Variants in KCNB2 observed in about 807,000 individuals in gnomAD.
The protein encoded by KCNB2 is delayed rectifier potassium channel protein.
In KCNB2, 15 loss-of-function variants were observed where a neutral mutation model predicts 61.5. The observed-to-expected ratio is 0.24, with a 90% confidence interval of 0.16 to 0.38. The LOEUF (loss-of-function observed/expected upper bound fraction) is 0.38, where lower values mean the gene tolerates loss of function less well. Among genes scored for constraint, KCNB2 ranks in the 10% least tolerant of loss-of-function variants. KCNB2 has a pLI of 1.00. For missense variants in KCNB2, 828 were observed against 1,125.2 expected (o/e 0.74, Z 3.78); for synonymous variants, 457 against 446.0 (o/e 1.02, Z -0.31).
At chr8:72,549,891 AG>A (rs1806318245) in intron 1 of KCNB2, among the ~76,000 whole-genome samples, 1 of 152,234 alleles carries the variant, frequency 6.6e-6, no homozygotes, top group African/African-American at 2.4e-5. Context: ...AGCATAGACA[AG>A]AAACTAATTC....
chr8:72,658,939 C>G (rs927556035), intron 2 of KCNB2, among the ~76,000 whole-genome samples: 2 of 152,128 alleles, frequency 1.3e-5, no homozygotes, highest in African/African-American at 4.8e-5. Context: ...TGCACTTGGT[C>G]TCTGATGGAG....
At chr8:72,882,365 CTG>C (rs1805725735) in intron 2 of KCNB2, among the ~76,000 whole-genome samples, 1 of 152,174 alleles carries the variant, frequency 6.6e-6, no homozygotes, top group Non-Finnish European at 1.5e-5. Flanking sequence ...TGGGAGGAGA[CTG>C]TGAAGAAAAG....
intron 2 of KCNB2, among the ~76,000 whole-genome samples, chr8:72,719,262 A>G (rs998422466): frequency 1.3e-5 from 2 of 152,166 alleles, no homozygotes; most frequent in African/African-American, 4.8e-5. Flanking sequence ...CTATAAGGAA[A>G]AACTCAGCTC....
At chr8:72,804,694 G>T (rs182067777) in intron 2 of KCNB2, among the ~76,000 whole-genome samples, 1 of 152,244 alleles carries the variant, frequency 6.6e-6, no homozygotes, top group East Asian at 1.9e-4. Context: ...AAAATGAAAA[G>T]AATGGCAATT....
intron 2 of KCNB2, among the ~76,000 whole-genome samples, chr8:72,854,584 G>A (rs1810174970): frequency 6.6e-6 from 1 of 152,180 alleles, no homozygotes; most frequent in South Asian, 2.1e-4. Context: ...TTCAGGTGCA[G>A]TGTAGATAAT....
chr8:72,847,339 C>T (rs946962088), intron 2 of KCNB2, among the ~76,000 whole-genome samples: 2 of 152,190 alleles, frequency 1.3e-5, no homozygotes, highest in African/African-American at 4.8e-5. Context: ...CAACATCGCC[C>T]CCTTGTGGTC....
chr8:72,746,683 C>G (rs944570742), intron 2 of KCNB2, among the ~76,000 whole-genome samples: 1 of 152,112 alleles, frequency 6.6e-6, no homozygotes, highest in Non-Finnish European at 1.5e-5. Flanking sequence ...AATGATTGCA[C>G]TGCTCTTTGA....
intron 2 of KCNB2, among the ~76,000 whole-genome samples, chr8:72,883,317 G>A (rs1241814428): frequency 2.0e-5 from 3 of 152,162 alleles, no homozygotes; most frequent in East Asian, 1.9e-4. Context: ...TTATCCCGGC[G>A]TAACTACAGT....
intron 2 of KCNB2, among the ~76,000 whole-genome samples, chr8:72,594,354 G>T (rs1409617869): frequency 2.0e-5 from 3 of 151,914 alleles, no homozygotes; most frequent in Admixed American, 6.6e-5. Flanking sequence ...CCCTTCTCTG[G>T]TCCAGTTATG....
intron 2 of KCNB2, among the ~76,000 whole-genome samples, chr8:72,915,347 A>T (rs1391208712): frequency 6.6e-6 from 1 of 152,164 alleles, no homozygotes; most frequent in Non-Finnish European, 1.5e-5. Flanking sequence ...AACAGAAAAC[A>T]AGCAAGACTG....
In KCNB2 at chr8:72,590,115, C is replaced by T. The variant is rs572232329; in HGVS notation, c.579+21802C>T. Among the ~76,000 whole-genome samples the T allele has an allele frequency of 1.5e-3, 226 of 152,250 alleles. 2 individuals are homozygous for T. The highest frequency in any genetic ancestry group is 3.9e-3 in the South Asian group (19 of 4,826). ...TAAAATTCAGAATTCCTGGGTTCAA[C>T]TCCATTTGGAGCTGTAGACACCCAG... On this transcript the variant is annotated intron_variant, in intron 2 of 2. Coordinates refer to ENST00000523207, the MANE Select transcript of KCNB2 (RefSeq NM_004770.3).
chr8:72,575,585 G>A (rs1806783146), intron 2 of KCNB2, among the ~76,000 whole-genome samples: 1 of 151,994 alleles, frequency 6.6e-6, no homozygotes, highest in Non-Finnish European at 1.5e-5. Context: ...ATAAAATATT[G>A]AATATTTTAT....
chr8:72,718,566 A>G (rs190458731), intron 2 of KCNB2, among the ~76,000 whole-genome samples: 1,698 of 151,978 alleles, frequency 0.011, 32 homozygotes, highest in African/African-American at 0.039. Context: ...TCGCAAGGAC[A>G]AAAAACCAAA....
chr8:72,607,862 AAATTAT>A (rs1805477589), intron 2 of KCNB2, among the ~76,000 whole-genome samples: 1 of 152,218 alleles, frequency 6.6e-6, no homozygotes, highest in Non-Finnish European at 1.5e-5. Context: ...TTGAATTATA[AAATTAT>A]AATTATGAAA....
intron 2 of KCNB2, among the ~76,000 whole-genome samples, chr8:72,900,873 G>T (rs184256980): frequency 1.3e-5 from 2 of 152,084 alleles, no homozygotes; most frequent in Non-Finnish European, 2.9e-5. Context: ...AGAGAAAAAG[G>T]AACACTTATA....
intron 2 of KCNB2, among the ~76,000 whole-genome samples, chr8:72,749,791 AAT>A (rs1808155942): frequency 7.1e-6 from 1 of 140,458 alleles, no homozygotes; most frequent in African/African-American, 2.8e-5. Flanking sequence ...TATTATATAT[AAT>A]ATATATAATA....
At position 72,733,465 on chromosome 8, in the gene KCNB2, T is replaced by C. The variant is rs1333593538; in HGVS notation, c.579+165152T>C. The stretch of plus-strand genomic sequence containing the variant: ...TGAAAGCATGGGTTCTGCAATCAGA[T>C]CTGGGTTCAGAGTCTACTCTACCAC... On this transcript the variant is annotated intron_variant, in intron 2 of 2. Transcript: ENST00000523207. Among the ~76,000 whole-genome samples the C allele has an allele frequency of 2.6e-5, 4 of 152,230 alleles. No homozygotes were observed. The South Asian group carries it at 8.3e-4, about 32-fold the overall frequency.
At chr8:72,689,444 A>T (rs758082080) in intron 2 of KCNB2, among the ~76,000 whole-genome samples, 1 of 152,236 alleles carries the variant, frequency 6.6e-6, no homozygotes, top group Non-Finnish European at 1.5e-5. Context: ...ATAAATGTAT[A>T]TATAACAATT....
At chr8:72,901,117 C>CA (rs1158239839) in intron 2 of KCNB2, among the ~76,000 whole-genome samples, 1 of 152,172 alleles carries the variant, frequency 6.6e-6, no homozygotes, top group Non-Finnish European at 1.5e-5. Context: ...GGGCCCTCTG[C>CA]ACTCCTCCAC....
Sources: gnomAD v4.1 joint callset for allele counts (sites outside exome capture counted in the v4.1 genomes callset) on GRCh38, gnomAD v4.1.1 for gene constraint, MANE v1.5 for transcripts, NCBI Gene and HGNC (gene_info 2026-07-23, HGNC 2026-07-21) for gene names.